IKZF4: variants seen among roughly 807,000 people sequenced by gnomAD.
IKZF4 encodes the protein IKAROS family zinc finger 4.
Under a neutral mutation model 47.7 loss-of-function variants are expected in IKZF4, and 11 were observed. The observed-to-expected ratio is 0.23, with a 90% CI of 0.15 to 0.38. The LOEUF is 0.38. IKZF4 is among the 10% of genes least tolerant of loss of function. The pLI is 1.00. For synonymous variants in IKZF4, 298 were observed against 299.4 expected (o/e 1.00, Z 0.05); for missense variants, 557 against 784.9 (o/e 0.71, Z 3.47).
rs1340429236 is a variant in IKZF4 at position 56,021,260 on chromosome 12, CCT to C, written c.-230_-229del. On this transcript the variant is annotated 5_prime_UTR_variant, in exon 1 of 8. Transcript: ENST00000547167. ...CCAAGCACATCCAAGCGTGCTCTCCCCTCTCCTTCTCTCCCTCTCTCTCTCTC... is the reference window on the plus strand; with the variant it reads ...CCAAGCACATCCAAGCGTGCTCTCCCCTCCTTCTCTCCCTCTCTCTCTCTC... 3.4e-6 allele frequency: 5 copies of C among 1,457,228 alleles called. No homozygotes were observed. The highest frequency in any genetic ancestry group is 4.5e-6 in the Non-Finnish European group (5 of 1,107,264). The allele number at this position is 1,457,228 out of a possible 1,614,324, so 90.3% of individuals were successfully genotyped here. A position where few individuals can be genotyped will look rare whatever the true frequency, so the allele number is the denominator to read the frequency against.
chr12:56,022,797 CTT>C (rs34923817), intron 1 of IKZF4, among the ~76,000 whole-genome samples: 5 of 126,278 alleles, frequency 4.0e-5, no homozygotes, highest in Admixed American at 8.0e-5. Flanking sequence ...CTCAGTGTTT[CTT>C]TTTTTTTTTT....
At chr12:56,010,479 A>G (rs1217001744) in intron 1 of IKZF4, 1 of 152,116 alleles carries the variant, frequency 6.6e-6, no homozygotes, top group East Asian at 1.9e-4. Flanking sequence ...CCTCAGGTCC[A>G]TTATCTCTGA....
intron 5 of IKZF4, among the ~76,000 whole-genome samples, chr12:56,028,272 TC>T (rs1894345058): frequency 6.6e-6 from 1 of 151,624 alleles, no homozygotes; most frequent in Non-Finnish European, 1.5e-5. Flanking sequence ...ACGCCTGTAA[TC>T]CCAGCACTTT....
intron 1 of IKZF4, chr12:56,010,364 G>A (rs965766937): frequency 6.6e-6 from 1 of 152,166 alleles, no homozygotes; most frequent in Non-Finnish European, 1.5e-5. Flanking sequence ...GCTGCGGGGA[G>A]GATCCACATT....
rs1895580195 is a variant in IKZF4 at position 56,035,682 on chromosome 12, G to A, written c.*351G>A. ...TGTCCACAACTCCTTTCCACTTTAG[G>A]CCAATTTTTCTCTCTTAGATCTTCC... On this transcript the variant is annotated 3_prime_UTR_variant, in exon 8 of 8. Coordinates refer to ENST00000547167, the MANE Select transcript of IKZF4 (RefSeq NM_022465.4). The surrounding 1 kb of genome is among the most constrained non-coding windows in gnomAD (Gnocchi z 6.1). 1 of 193,906 alleles carries A rather than the reference G, an allele frequency of 5.2e-6. No individual in the cohort carries two copies. Among genetic ancestry groups the A allele is most frequent in the Admixed American group, 5.4e-5 (1 of 18,628 alleles). The allele number at this position is 193,906 out of a possible 1,614,324, so 12.0% of individuals were successfully genotyped here.
chr12:56,024,494 A>G (rs1305803454), intron 2 of IKZF4, among the ~76,000 whole-genome samples: 1 of 152,234 alleles, frequency 6.6e-6, no homozygotes, highest in Non-Finnish European at 1.5e-5. Flanking sequence ...TCATGATATT[A>G]GCACCTACTT....
At chr12:56,028,532 C>CAA (rs56380320) in intron 5 of IKZF4, among the ~76,000 whole-genome samples, 3 of 52,948 alleles carry the variant, frequency 5.7e-5, no homozygotes, top group Admixed American at 2.7e-4. Context: ...CACTCAGTCT[C>CAA]AAAAAAAAAA....
chr12:56,033,956 G>A (rs1375170644), intron 7 of IKZF4, among the ~76,000 whole-genome samples: 2 of 152,122 alleles, frequency 1.3e-5, no homozygotes, highest in Admixed American at 1.3e-4. Context: ...CTAGAATGCA[G>A]TGGCACGATC....
At chr12:56,019,651 G>C (rs1308496105), upstream of IKZF4, among the ~76,000 whole-genome samples, 1 of 152,184 alleles carries the variant, frequency 6.6e-6, no homozygotes, top group Non-Finnish European at 1.5e-5. Context: ...AAGTACACTT[G>C]GGACCCTGCT....
At chr12:56,024,737 GC>G (rs1234838509) in intron 2 of IKZF4, 2 of 1,226,720 alleles carry the variant, frequency 1.6e-6, no homozygotes, top group Non-Finnish European at 2.1e-6. Context: ...CCCTTCTGCA[GC>G]CCCCATTTTC....
At chr12:56,030,298 C>T (rs2136692169) in intron 5 of IKZF4, among the ~76,000 whole-genome samples, 1 of 151,994 alleles carries the variant, frequency 6.6e-6, no homozygotes, top group East Asian at 1.9e-4. Flanking sequence ...GGTGTGGTGG[C>T]ACACACCTGT....
In IKZF4 at chr12:56,033,332, A is replaced by G. The variant is rs1274665933; in HGVS notation, c.997+11A>G. 3 of 1,613,726 alleles carry G rather than the reference A, an allele frequency of 1.9e-6. No individual in the cohort carries two copies. The highest frequency in any genetic ancestry group is 2.7e-5 in the African/African-American group (2 of 74,922). On this transcript the variant is annotated intron_variant, in intron 7 of 7. Coordinates refer to ENST00000547167, the MANE Select transcript of IKZF4 (RefSeq NM_022465.4). ...CCCAGAAGTTTGTAGGTAAGAATCC[A>G]GTTGGAAAGACGTATCAGCTTTAAG...
Position 56,021,319 on chromosome 12 carries a change from C to G in IKZF4, c.-175C>G. On this transcript the variant is annotated 5_prime_UTR_variant, in exon 1 of 8. Coordinates refer to ENST00000547167, the MANE Select transcript of IKZF4 (RefSeq NM_022465.4). Reference sequence around the variant, plus strand: ...TCACACACACACACACACACACACTCAACACACATACACCCTGGGCTGAGC... The same window carrying G: ...TCACACACACACACACACACACACTGAACACACATACACCCTGGGCTGAGC... 1.3e-6 allele frequency: 2 copies of G among 1,527,698 alleles called. No individual in the cohort carries two copies. Among genetic ancestry groups the G allele is most frequent in the East Asian group, 2.5e-5 (1 of 40,754 alleles). The allele number at this position is 1,527,698 out of a possible 1,614,324, so 94.6% of individuals were successfully genotyped here. A position where few individuals can be genotyped will look rare whatever the true frequency, so the allele number is the denominator to read the frequency against.
intron 6 of IKZF4, among the ~76,000 whole-genome samples, 170 bp downstream of exon 6, chr12:56,032,880 G>A (rs930742568): frequency 1.3e-5 from 2 of 152,240 alleles, no homozygotes; most frequent in African/African-American, 4.8e-5. Context: ...AGTTGGTGGA[G>A]AGCCTTGTCT....
At chr12:56,018,212 G>A, upstream of IKZF4, 5 of 1,283,926 alleles carry the variant, frequency 3.9e-6, no homozygotes, top group Non-Finnish European at 5.1e-6. Context: ...GTTAGGGGCT[G>A]GAAGCAGACA....
chr12:56,021,052 C>T lies in IKZF4; in HGVS notation c.-442C>T, dbSNP rs1349495717. ...TCTCTCTCTCTTGCACACACTCTTG[C>T]CTCTCTCAGGCATTTGTTGTGCAGT... On this transcript the variant is annotated 5_prime_UTR_variant, in exon 1 of 8. Coordinates refer to ENST00000547167, the MANE Select transcript of IKZF4 (RefSeq NM_022465.4). 1 of 1,165,246 alleles carries T rather than the reference C, an allele frequency of 8.6e-7. No individual in the cohort carries two copies. Among genetic ancestry groups the T allele is most frequent in the Non-Finnish European group, 1.1e-6 (1 of 937,214 alleles). 72.2% of individuals were successfully genotyped at this position (1,165,246 alleles called of 1,614,324 possible). A position where few individuals can be genotyped will look rare whatever the true frequency, so the allele number is the denominator to read the frequency against.
At chr12:56,025,333 G>A (rs901000015) in intron 3 of IKZF4, among the ~76,000 whole-genome samples, 175 bp downstream of exon 3, 2 of 152,214 alleles carry the variant, frequency 1.3e-5, no homozygotes, top group East Asian at 1.9e-4. Context: ...TCTGAAAGGA[G>A]AGTGAATAGT....
In IKZF4 at chr12:56,038,209, A is replaced by T. The variant is rs1315861300; in HGVS notation, c.*2878A>T. The T allele has an allele frequency of 6.6e-6, 1 of 151,606 alleles. No homozygotes were observed. Among genetic ancestry groups the T allele is most frequent in the Non-Finnish European group, 1.5e-5 (1 of 67,838 alleles). 9.4% of individuals were successfully genotyped at this position (151,606 alleles called of 1,614,324 possible). On this transcript the variant is annotated 3_prime_UTR_variant, in exon 8 of 8. Transcript: ENST00000547167. ...ATGTTTGGTGTCTCTTTTGACCTTTACCCCTTCACCTCCTCCTCTCTTCTT... is the reference window on the plus strand; with the variant it reads ...ATGTTTGGTGTCTCTTTTGACCTTTTCCCCTTCACCTCCTCCTCTCTTCTT...
At chr12:56,016,840 C>T (rs555721556), upstream of IKZF4, among the ~76,000 whole-genome samples, 7 of 152,048 alleles carry the variant, frequency 4.6e-5, no homozygotes, top group South Asian at 2.1e-4. Context: ...GTGATCCGCC[C>T]GCCTCGGCCT....
Sources: allele counts gnomAD v4.1 joint callset (sites outside exome capture counted in the v4.1 genomes callset), GRCh38; gene constraint gnomAD v4.1.1; non-coding constraint Gnocchi (gnomAD v3.1); transcripts MANE v1.5; gene names NCBI Gene and HGNC (gene_info 2026-07-23, HGNC 2026-07-21).